BTBD1: variants seen among roughly 807,000 people sequenced by gnomAD.
The protein encoded by BTBD1 is BTB/POZ domain-containing protein 1.
Under a neutral mutation model 48.0 loss-of-function variants are expected in BTBD1, and 34 were observed. The ratio of observed to expected loss-of-function variants is 0.71; its 90% CI spans 0.54 to 0.94. The LOEUF is 0.94. BTBD1 is among the 40% of genes least tolerant of loss of function. The pLI, the probability that BTBD1 is intolerant of heterozygous loss-of-function variation, is 0.00. For synonymous variants in BTBD1, 261 were observed against 242.1 expected (o/e 1.08, Z -0.72); for missense variants, 543 against 625.6 (o/e 0.87, Z 1.41).
chr15:83,047,522 C>T (rs1188784916), intron 3 of BTBD1, among the ~76,000 whole-genome samples: 1 of 152,140 alleles, frequency 6.6e-6, no homozygotes, highest in Admixed American at 6.6e-5. Context: ...GTCTGCATCT[C>T]CTGGCTTCTC....
intron 2 of BTBD1, among the ~76,000 whole-genome samples, chr15:83,052,797 ATTTTTT>A (rs398028150): frequency 3.2e-5 from 3 of 94,548 alleles, no homozygotes; most frequent in African/African-American, 8.8e-5. Context: ...CGCCCGGCTA[ATTTTTT>A]TTTTTTTTTT....
intron 2 of BTBD1, among the ~76,000 whole-genome samples, chr15:83,054,553 A>C (rs2033048842): frequency 6.7e-6 from 1 of 149,390 alleles, no homozygotes; most frequent in South Asian, 2.1e-4. Flanking sequence ...AAAGGTACCA[A>C]ACATTTTTTC....
At chr15:83,059,341 T>G (rs1421429246) in intron 1 of BTBD1, among the ~76,000 whole-genome samples, 1 of 150,118 alleles carries the variant, frequency 6.7e-6, no homozygotes, top group African/African-American at 2.5e-5. Context: ...AGGTCAGGAG[T>G]TCAAGATCAG....
chr15:83,021,482 T>A (rs1413771723), intron 5 of BTBD1, among the ~76,000 whole-genome samples: 1 of 152,118 alleles, frequency 6.6e-6, no homozygotes, highest in East Asian at 1.9e-4. Context: ...AGGCTGGGTG[T>A]GGTGGCTCAC....
At chr15:83,060,157 A>G (rs2033153709) in intron 1 of BTBD1, among the ~76,000 whole-genome samples, 1 of 152,168 alleles carries the variant, frequency 6.6e-6, no homozygotes, top group African/African-American at 2.4e-5. Flanking sequence ...TTTCTATGTA[A>G]CGTCAAAAGG....
chr15:83,066,517 G>A (rs1226581414), intron 1 of BTBD1, among the ~76,000 whole-genome samples: 2 of 152,130 alleles, frequency 1.3e-5, no homozygotes, highest in Non-Finnish European at 2.9e-5. Context: ...TAAAACGCAC[G>A]CTTGCCTAAT....
At chr15:83,062,195 C>T (rs2033187257) in intron 1 of BTBD1, among the ~76,000 whole-genome samples, 1 of 152,072 alleles carries the variant, frequency 6.6e-6, no homozygotes, top group African/African-American at 2.4e-5. Flanking sequence ...AAAAAGAAGT[C>T]ATTAAAAGAT....
At chr15:83,043,324 C>T (rs1221818240) in intron 3 of BTBD1, among the ~76,000 whole-genome samples, 2 of 152,022 alleles carry the variant, frequency 1.3e-5, no homozygotes, top group African/African-American at 2.4e-5. Context: ...AGGAGGCCAA[C>T]GTGGTGGAGT....
chr15:83,046,571 C>T (rs1473004400), intron 3 of BTBD1, among the ~76,000 whole-genome samples: 2 of 152,130 alleles, frequency 1.3e-5, no homozygotes, highest in Non-Finnish European at 2.9e-5. Flanking sequence ...AATTTAAGAG[C>T]AATTTATAAG....
intron 6 of BTBD1, chr15:83,020,262 C>A (rs1320282930): frequency 1.3e-5 from 2 of 156,030 alleles, no homozygotes; most frequent in Non-Finnish European, 2.8e-5. Context: ...CCAAGTGAGA[C>A]CCTGTCTCAA....
At chr15:83,042,376 ATG>A (rs1555440264) in intron 3 of BTBD1, among the ~76,000 whole-genome samples, 3,839 of 121,640 alleles carry the variant, frequency 0.032, 111 homozygotes, top group Middle Eastern at 0.057. Flanking sequence ...ATATATATAT[ATG>A]TATGTATATA....
intron 4 of BTBD1, among the ~76,000 whole-genome samples, chr15:83,040,726 G>T (rs573781695): frequency 1.4e-5 from 2 of 145,748 alleles, no homozygotes; most frequent in African/African-American, 2.5e-5. Flanking sequence ...AAAAAACCAT[G>T]AGACTTTTCT....
At chr15:83,037,580 T>C (rs895424323) in intron 4 of BTBD1, among the ~76,000 whole-genome samples, 34 of 152,184 alleles carry the variant, frequency 2.2e-4, no homozygotes, top group African/African-American at 6.3e-4. Context: ...ACAACTAACA[T>C]CATGCTGAAA....
intron 4 of BTBD1, among the ~76,000 whole-genome samples, chr15:83,040,014 C>CAG (rs2032718220): frequency 6.8e-6 from 1 of 146,350 alleles, no homozygotes; most frequent in Non-Finnish European, 1.5e-5. Context: ...CACACACACA[C>CAG]ACGGACACAC....
In BTBD1 at chr15:83,056,391, GAGTA is replaced by G; in HGVS notation, c.552_555del (p.Thr185ArgfsTer15). 6.2e-7 allele frequency: 1 copy of G among 1,607,416 alleles called. No individual in the cohort carries two copies. Among genetic ancestry groups the G allele is most frequent in the Non-Finnish European group, 8.5e-7 (1 of 1,174,132 alleles). Reference sequence around the variant, plus strand: ...ATACCTTAGCTACATTTACTTACCTGAGTAAGTAACATAAAGGCATTATCTGCCC... The same window carrying G: ...ATACCTTAGCTACATTTACTTACCTGAGTAACATAAAGGCATTATCTGCCC... On this transcript the variant is annotated frameshift_variant, in exon 2 of 8. Coordinates refer to ENST00000261721, the MANE Select transcript of BTBD1 (RefSeq NM_025238.4). LOFTEE classifies it high-confidence loss of function.
chr15:83,018,051 G>A lies in BTBD1; in HGVS notation c.*16C>T, dbSNP rs373426191. 1.1e-4 allele frequency: 171 copies of A among 1,561,030 alleles called. 2 individuals carry two copies. In the South Asian group the frequency reaches 1.8e-3, roughly 17 times the overall value. On this transcript the variant is annotated 3_prime_UTR_variant, in exon 8 of 8. Coordinates refer to ENST00000261721, the MANE Select transcript of BTBD1 (RefSeq NM_025238.4). ...TTGTATGGTATTATTTAGCCAAGAT[G>A]TATTATAATGCTAAATTATGTATAA... is the stretch of plus-strand genomic sequence containing the variant.
intron 4 of BTBD1, among the ~76,000 whole-genome samples, chr15:83,040,712 A>AC (rs1555440097): frequency 6.6e-6 from 1 of 151,464 alleles, no homozygotes; most frequent in Non-Finnish European, 1.5e-5. Context: ...AAAAAAAAAA[A>AC]AAAAAAAAAC....
At chr15:83,064,933 G>A (rs1475732054) in intron 1 of BTBD1, among the ~76,000 whole-genome samples, 1 of 152,110 alleles carries the variant, frequency 6.6e-6, no homozygotes, top group Non-Finnish European at 1.5e-5. Flanking sequence ...AGAAAAAAAG[G>A]TACTTTCATC....
chr15:83,067,179 T>C lies in BTBD1; in HGVS notation c.-28A>G, dbSNP rs771280447. ...TCCAGCTGCGCGGTTGCCCACGTTA[T>C]GGACAAAACTCCGCCGCCATCGCCC... On this transcript the variant is annotated 5_prime_UTR_variant, in exon 1 of 8. Coordinates refer to ENST00000261721, the MANE Select transcript of BTBD1 (RefSeq NM_025238.4). 3.5e-5 allele frequency: 48 copies of C among 1,380,046 alleles called. No individual in the cohort carries two copies. The highest frequency in any genetic ancestry group is 5.2e-5 in the South Asian group (3 of 57,302). 85.5% of individuals were successfully genotyped at this position (1,380,046 alleles called of 1,614,324 possible).
Sources: gnomAD v4.1 joint callset for allele counts (sites outside exome capture counted in the v4.1 genomes callset) on GRCh38, gnomAD v4.1.1 for gene constraint, MANE v1.5 for transcripts, NCBI Gene and HGNC (gene_info 2026-07-23, HGNC 2026-07-21) for gene names.